The following PTPRT variants were observed in gnomAD, a reference collection of about 807,000 sequenced individuals.
The protein encoded by PTPRT is protein tyrosine phosphatase receptor type T.
Under a neutral mutation model 176.8 loss-of-function variants are expected in PTPRT, and 56 were observed. That is an observed-to-expected ratio of 0.32 (90% CI 0.26 to 0.40). The LOEUF (loss-of-function observed/expected upper bound fraction) is 0.40, where lower values mean the gene tolerates loss of function less well. Among genes scored for constraint, PTPRT ranks in the 10% least tolerant of loss-of-function variants. The pLI is 1.00. For missense variants in PTPRT, 1,540 were observed against 1,908.2 expected (o/e 0.81, Z 3.60); for synonymous variants, 783 against 739.0 (o/e 1.06, Z -0.96).
chr20:42,713,252 C>A (rs371406538), intron 6 of PTPRT, among the ~76,000 whole-genome samples: 6 of 152,120 alleles, frequency 3.9e-5, no homozygotes, highest in East Asian at 1.9e-4. Context: ...GAGTAATTTT[C>A]AGTGTACCTT....
intron 13 of PTPRT, among the ~76,000 whole-genome samples, chr20:42,264,973 G>A (rs2056814254): frequency 6.6e-6 from 1 of 152,212 alleles, no homozygotes; most frequent in African/African-American, 2.4e-5. Flanking sequence ...CAGCTTGCCT[G>A]CTGCTCACTC....
chr20:42,819,410 G>A (rs1416993340), intron 2 of PTPRT, among the ~76,000 whole-genome samples: 1 of 152,152 alleles, frequency 6.6e-6, no homozygotes, highest in Non-Finnish European at 1.5e-5. Flanking sequence ...AGCACTGAAT[G>A]TGGAATGGAA....
At chr20:42,712,343 A>G (rs2076157271) in intron 6 of PTPRT, among the ~76,000 whole-genome samples, 2 of 152,150 alleles carry the variant, frequency 1.3e-5, no homozygotes, top group African/African-American at 4.8e-5. Context: ...TTTTAAGAGA[A>G]GCAAACATTA....
rs149910637 is a variant in PTPRT, at chr20:42,375,595, T to C, written c.1561-23310A>G. On this transcript the variant is annotated intron_variant, in intron 9 of 30. Transcript: ENST00000373187. ...CGGGCTTCCCAGCCTCCTAGAAGTT[T>C]GAGAAATATATTTCTGTTCTTTATT... Among the ~76,000 whole-genome samples, 253 of 152,308 alleles carry C rather than the reference T, an allele frequency of 1.7e-3. 2 individuals carry two copies. Among genetic ancestry groups the C allele is most frequent in the African/African-American group, 4.7e-3 (197 of 41,588 alleles).
In PTPRT at chr20:42,616,154, A is replaced by G. The variant is rs1267580711; in HGVS notation, c.1153+61712T>C. ...GGGATCCAGTTTCAGCTTTCTACAT[A>G]TGGCTAGCCAGTTTTCCCAGCACCA... On this transcript the variant is annotated intron_variant, in intron 7 of 30. Transcript: ENST00000373187. Among the ~76,000 whole-genome samples, 6 of 125,418 alleles carry G rather than the reference A, an allele frequency of 4.8e-5. 1 individual carries two copies. Among genetic ancestry groups the G allele is most frequent in the African/African-American group, 2.3e-4 (6 of 25,534 alleles). 82.3% of individuals were successfully genotyped at this position (125,418 alleles called of 152,430 possible). A position where few individuals can be genotyped will look rare whatever the true frequency, so the allele number is the denominator to read the frequency against.
chr20:42,285,941 A>G lies in PTPRT; in HGVS notation c.2140-3416T>C, dbSNP rs558871779. On this transcript the variant is annotated intron_variant, in intron 12 of 30. Transcript: ENST00000373187. Reference sequence around the variant, plus strand: ...ATCAGTACTGTTTCTATACATGAACAATAAACTACCTAAAAAAGAAATCAA... The same window carrying G: ...ATCAGTACTGTTTCTATACATGAACGATAAACTACCTAAAAAAGAAATCAA... 9.9e-5 allele frequency among the ~76,000 whole-genome samples: 15 copies of G among 152,116 alleles called. No homozygotes were observed. The South Asian group carries it at 3.1e-3, about 32-fold the overall frequency.
At chr20:43,141,576 C>T (rs1019785518) in intron 1 of PTPRT, among the ~76,000 whole-genome samples, 6 of 152,204 alleles carry the variant, frequency 3.9e-5, no homozygotes, top group East Asian at 3.8e-4. Context: ...AAACGAGCCA[C>T]GTGTCCAAGC....
chr20:42,530,721 C>A (rs1306310394), intron 7 of PTPRT, among the ~76,000 whole-genome samples: 1 of 152,186 alleles, frequency 6.6e-6, no homozygotes, highest in African/African-American at 2.4e-5. Flanking sequence ...CCCAGGCTGT[C>A]ACTTGAGGAA....
At position 42,461,371 on chromosome 20, in the gene PTPRT, A is replaced by G. The variant is rs62203545; in HGVS notation, c.1450+10895T>C. On this transcript the variant is annotated intron_variant, in intron 8 of 30. Coordinates refer to ENST00000373187, the MANE Select transcript of PTPRT (RefSeq NM_007050.6). ...AAAATAAAATAAATAAAACAAATAA[A>G]TTAGCTGAGCACACTTGCACATGCC... 8.7e-3 allele frequency among the ~76,000 whole-genome samples: 1,331 copies of G among 152,200 alleles called. 11 individuals carry two copies. Among genetic ancestry groups the G allele is most frequent in the Middle Eastern group, 0.014 (4 of 294 alleles).
intron 2 of PTPRT, among the ~76,000 whole-genome samples, chr20:42,885,233 A>AAT (rs2079083517): frequency 6.8e-6 from 1 of 147,298 alleles, no homozygotes; most frequent in African/African-American, 2.5e-5. Context: ...TAAATTATAT[A>AAT]ATATATATAC....
intron 6 of PTPRT, among the ~76,000 whole-genome samples, chr20:42,716,804 G>C (rs1004410333): frequency 1.3e-5 from 2 of 151,960 alleles, no homozygotes; most frequent in African/African-American, 4.8e-5. Flanking sequence ...CAACAATGAT[G>C]GACTGGATTA....
chr20:42,685,104 G>A (rs2075670286), intron 6 of PTPRT, among the ~76,000 whole-genome samples: 1 of 152,154 alleles, frequency 6.6e-6, no homozygotes, highest in African/African-American at 2.4e-5. Flanking sequence ...AAAGACAATG[G>A]TACATTATGA....
chr20:42,280,129 G>A (rs1452231507), intron 13 of PTPRT, among the ~76,000 whole-genome samples: 1 of 152,130 alleles, frequency 6.6e-6, no homozygotes, highest in African/African-American at 2.4e-5. Context: ...GGTCAGGAAG[G>A]GATGGGATAA....
At chr20:42,575,538 C>T (rs1203460620) in intron 7 of PTPRT, among the ~76,000 whole-genome samples, 2 of 152,204 alleles carry the variant, frequency 1.3e-5, no homozygotes, top group African/African-American at 4.8e-5. Context: ...TCACTTCCCA[C>T]AGTGCTTTGC....
intron 9 of PTPRT, among the ~76,000 whole-genome samples, chr20:42,357,252 C>G (rs781493476): frequency 3.3e-5 from 5 of 152,154 alleles, no homozygotes; most frequent in Admixed American, 2.6e-4. Context: ...TACTCTCACA[C>G]TACGAAAGCA....
intron 7 of PTPRT, among the ~76,000 whole-genome samples, chr20:42,541,770 C>CCCATAAG (rs112732020): frequency 0.015 from 2,254 of 151,306 alleles, 57 homozygotes; most frequent in African/African-American, 0.052. Context: ...TGATACAAAA[C>CCCATAAG]CCATAAAAGG....
At chr20:43,165,363 A>T (rs1399400409) in intron 1 of PTPRT, among the ~76,000 whole-genome samples, 1 of 152,096 alleles carries the variant, frequency 6.6e-6, no homozygotes, top group Non-Finnish European at 1.5e-5. Flanking sequence ...GGGTTTCACC[A>T]TGTTGGTCAG....
At chr20:43,148,177 C>T (rs777994104) in intron 1 of PTPRT, among the ~76,000 whole-genome samples, 6 of 152,154 alleles carry the variant, frequency 3.9e-5, no homozygotes, top group Admixed American at 1.3e-4. Context: ...ACCTGCCCTT[C>T]ACTCCCAACT....
rs894280491 is a variant in PTPRT, at chr20:43,110,145, T to A, written c.88+79501A>T. 1.3e-5 allele frequency among the ~76,000 whole-genome samples: 2 copies of A among 152,014 alleles called. 1 individual carries two copies. Among genetic ancestry groups the A allele is most frequent in the Non-Finnish European group, 2.9e-5 (2 of 67,990 alleles). ...GAAGGCCTCAGGCTGCTTCCACTCATGATGGAAGGTGAAGGGGAGCTGGCA... is the reference window on the plus strand; with the variant it reads ...GAAGGCCTCAGGCTGCTTCCACTCAAGATGGAAGGTGAAGGGGAGCTGGCA... On this transcript the variant is annotated intron_variant, in intron 1 of 30. Transcript: ENST00000373187.
Sources: allele counts gnomAD v4.1 joint callset (sites outside exome capture counted in the v4.1 genomes callset), GRCh38; gene constraint gnomAD v4.1.1; transcripts MANE v1.5; gene names NCBI Gene and HGNC (gene_info 2026-07-23, HGNC 2026-07-21).